The following ZNG1E variants were observed in gnomAD, a reference collection of about 807,000 sequenced individuals.
ZNG1E encodes the protein Zn regulated GTPase metalloprotein activator 1E.
chr9:65,667,046 C>T, the ZNG1E span, among the ~76,000 whole-genome samples: 1 of 152,248 alleles, frequency 6.6e-6, no homozygotes, highest in African/African-American at 2.4e-5. Flanking sequence ...TTCTCAAACT[C>T]CTGACCTCAG....
the ZNG1E span, among the ~76,000 whole-genome samples, chr9:65,711,070 C>T: frequency 7.5e-6 from 1 of 133,062 alleles, no homozygotes; most frequent in African/African-American, 3.1e-5. Flanking sequence ...AGGTACTTCA[C>T]ATCCCTAGTA....
chr9:65,719,989 A>C, the ZNG1E span: 3 of 1,592,548 alleles, frequency 1.9e-6, no homozygotes, highest in African/African-American at 1.4e-5. Context: ...TAAACGTATA[A>C]AGTTAAATCA....
chr9:65,659,698 A>G, the ZNG1E span, among the ~76,000 whole-genome samples: 2 of 152,312 alleles, frequency 1.3e-5, no homozygotes, highest in Admixed American at 1.3e-4. Flanking sequence ...AATTAAGAGT[A>G]GTAGTGCCTT....
At chr9:65,680,932 G>T in the ZNG1E span, among the ~76,000 whole-genome samples, 11 of 152,202 alleles carry the variant, frequency 7.2e-5, no homozygotes, top group Non-Finnish European at 1.5e-4. Context: ...GGGACTACAG[G>T]TGCCCGCTAC....
chr9:65,679,583 T>C, the ZNG1E span: 1 of 391,198 alleles, frequency 2.6e-6, no homozygotes, highest in Non-Finnish European at 4.6e-6. Flanking sequence ...TGAGATGGAG[T>C]CTCTCTCTGT....
the ZNG1E span, among the ~76,000 whole-genome samples, chr9:65,685,036 C>T: frequency 3.8e-5 from 5 of 131,064 alleles, no homozygotes; most frequent in Non-Finnish European, 7.8e-5. Flanking sequence ...CATGAGACCC[C>T]ATTTCTTAAA....
chr9:65,716,500 A>T, the ZNG1E span, among the ~76,000 whole-genome samples: 2 of 147,582 alleles, frequency 1.4e-5, no homozygotes, highest in Non-Finnish European at 3.0e-5. Context: ...TGCCCTTAAA[A>T]ACTAATTATA....
chr9:65,672,506 GA>G, the ZNG1E span, among the ~76,000 whole-genome samples: 2 of 151,292 alleles, frequency 1.3e-5, no homozygotes, highest in Non-Finnish European at 2.9e-5. Flanking sequence ...AGCTCTTTAG[GA>G]GGCTAAGGTG....
At chr9:65,671,675 G>C in the ZNG1E span, among the ~76,000 whole-genome samples, 3 of 152,234 alleles carry the variant, frequency 2.0e-5, no homozygotes, top group African/African-American at 7.2e-5. Flanking sequence ...TTCTGTAAGG[G>C]ATAGAGCAGA....
the ZNG1E span, among the ~76,000 whole-genome samples, chr9:65,699,152 A>G: frequency 6.6e-6 from 1 of 150,688 alleles, no homozygotes; most frequent in Non-Finnish European, 1.5e-5. Flanking sequence ...CGAGCTCCTG[A>G]CCTCAGGTGA....
the ZNG1E span, among the ~76,000 whole-genome samples, chr9:65,660,558 A>T: frequency 1.3e-5 from 2 of 152,226 alleles, no homozygotes; most frequent in African/African-American, 4.8e-5. Context: ...TGTGTTGGGG[A>T]GGATACCTGT....
At chr9:65,667,087 C>T in the ZNG1E span, among the ~76,000 whole-genome samples, 8 of 152,272 alleles carry the variant, frequency 5.3e-5, no homozygotes, top group Admixed American at 1.3e-4. Flanking sequence ...TCCCAAAGTG[C>T]TGGGATTACA....
chr9:65,684,398 G>T, the ZNG1E span, among the ~76,000 whole-genome samples: 1 of 151,708 alleles, frequency 6.6e-6, no homozygotes, highest in Non-Finnish European at 1.5e-5. Flanking sequence ...CTAGCCAGGC[G>T]TTGTGGCGCA....
chr9:65,725,245 CTG>C, the ZNG1E span, among the ~76,000 whole-genome samples: 1 of 143,328 alleles, frequency 7.0e-6, no homozygotes, highest in African/African-American at 2.8e-5. Flanking sequence ...GTATCCATGA[CTG>C]TATATTTTTT....
the ZNG1E span, among the ~76,000 whole-genome samples, chr9:65,705,075 G>A: frequency 8.6e-3 from 1,294 of 150,170 alleles, 18 homozygotes; most frequent in African/African-American, 0.031. Context: ...TGTAGAAAAA[G>A]GCTCACCTTG....
the ZNG1E span, among the ~76,000 whole-genome samples, chr9:65,655,069 G>T: frequency 3.3e-5 from 5 of 151,298 alleles, no homozygotes; most frequent in Non-Finnish European, 1.5e-5. Context: ...ATCTTTCCTA[G>T]GAAATGATAT....
At chr9:65,719,961 T>C in the ZNG1E span, 1 of 1,562,768 alleles carries the variant, frequency 6.4e-7, no homozygotes, top group South Asian at 1.1e-5. Context: ...GAAAGTCACT[T>C]CATTATCCTT....
chr9:65,656,795 G>A, the ZNG1E span, among the ~76,000 whole-genome samples: 1 of 152,262 alleles, frequency 6.6e-6, no homozygotes, highest in African/African-American at 2.4e-5. Flanking sequence ...CAGACCACTA[G>A]AGATTAGAAA....
the ZNG1E span, among the ~76,000 whole-genome samples, chr9:65,685,043 T>TAAAAA: frequency 9.8e-4 from 106 of 107,712 alleles, 2 homozygotes; most frequent in African/African-American, 2.9e-3. Flanking sequence ...CCCCATTTCT[T>TAAAAA]AAAAAAAAAA....
Sources: allele counts gnomAD v4.1 joint callset (sites outside exome capture counted in the v4.1 genomes callset), GRCh38; gene constraint gnomAD v4.1.1; transcripts MANE v1.5; gene names NCBI Gene and HGNC (gene_info 2026-07-23, HGNC 2026-07-21).